MAPK10: variants seen among roughly 807,000 people sequenced by gnomAD.
The protein encoded by MAPK10 is mitogen-activated protein kinase 10.
Under a neutral mutation model 59.3 loss-of-function variants are expected in MAPK10, and 25 were observed. The ratio of observed to expected loss-of-function variants is 0.42; its 90% confidence interval spans 0.31 to 0.59. MAPK10 has a LOEUF of 0.59. Ranked by LOEUF, MAPK10 falls within the 20% of genes least tolerant of loss-of-function variation. MAPK10 has a pLI of 0.15. For missense variants in MAPK10, 351 were observed against 568.9 expected (o/e 0.62, Z 3.90); for synonymous variants, 190 against 200.5 (o/e 0.95, Z 0.44).
At chr4:86,153,981 T>C (rs1441171716) in intron 4 of MAPK10, among the ~76,000 whole-genome samples, 2 of 152,194 alleles carry the variant, frequency 1.3e-5, no homozygotes, top group East Asian at 1.9e-4. Flanking sequence ...CATGAGAGGA[T>C]AATCATTTCC....
intron 1 of MAPK10, among the ~76,000 whole-genome samples, chr4:86,468,323 C>T (rs1303943529): frequency 1.3e-5 from 2 of 152,160 alleles, no homozygotes; most frequent in Non-Finnish European, 2.9e-5. Flanking sequence ...AAGAGTCCCC[C>T]TCCCCCTATT....
intron 1 of MAPK10, among the ~76,000 whole-genome samples, chr4:86,538,990 A>T (rs1232996688): frequency 2.0e-5 from 3 of 152,160 alleles, no homozygotes; most frequent in Non-Finnish European, 2.9e-5. Flanking sequence ...ATCTTTTTTT[A>T]AAAATGCTGT....
intron 2 of MAPK10, among the ~76,000 whole-genome samples, chr4:86,353,003 C>G (rs1328720127): frequency 6.6e-6 from 1 of 152,184 alleles, no homozygotes; most frequent in Non-Finnish European, 1.5e-5. Context: ...TCTCAGGCTT[C>G]TGGGTCTGTT....
chr4:86,194,169 G>A, intron 3 of MAPK10, 167 bp downstream of exon 3: 1 of 613,138 alleles, frequency 1.6e-6, no homozygotes, highest in Non-Finnish European at 2.9e-6. Flanking sequence ...GCTGGGAGCT[G>A]GAGACTGGGG....
At chr4:86,492,293 T>G (rs1033491614) in intron 1 of MAPK10, among the ~76,000 whole-genome samples, 3 of 152,072 alleles carry the variant, frequency 2.0e-5, no homozygotes, top group African/African-American at 7.2e-5. Flanking sequence ...AAAAGCAGGG[T>G]TTTATGAAGC....
intron 9 of MAPK10, among the ~76,000 whole-genome samples, chr4:86,085,792 G>T (rs2149039277): frequency 6.6e-6 from 1 of 152,282 alleles, no homozygotes; most frequent in African/African-American, 2.4e-5. Context: ...TATCTGCACT[G>T]CCGTGTTTGT....
chr4:86,470,473 T>C (rs1466000696), intron 1 of MAPK10, among the ~76,000 whole-genome samples: 1 of 152,308 alleles, frequency 6.6e-6, no homozygotes, highest in South Asian at 2.1e-4. Flanking sequence ...CATAAAATCA[T>C]GTTTGATTTA....
intron 3 of MAPK10, among the ~76,000 whole-genome samples, chr4:86,185,840 C>A (rs929653473): frequency 2.0e-5 from 3 of 151,972 alleles, no homozygotes; most frequent in Non-Finnish European, 4.4e-5. Context: ...CTGGAGTAGA[C>A]AATGGGAAGA....
chr4:86,270,634 A>C (rs2094405594), intron 2 of MAPK10, among the ~76,000 whole-genome samples: 1 of 152,084 alleles, frequency 6.6e-6, no homozygotes, highest in East Asian at 1.9e-4. Context: ...AAAATGTAGA[A>C]TATCCCAGAT....
At chr4:86,549,059 A>G (rs1237714315) in intron 1 of MAPK10, among the ~76,000 whole-genome samples, 3 of 152,212 alleles carry the variant, frequency 2.0e-5, no homozygotes, top group Non-Finnish European at 2.9e-5. Context: ...GCAGTATTTT[A>G]ATTTTAAAAA....
intron 1 of MAPK10, among the ~76,000 whole-genome samples, chr4:86,507,645 T>G (rs1338869344): frequency 3.4e-5 from 3 of 88,294 alleles, no homozygotes; most frequent in African/African-American, 9.2e-5. Context: ...TATATATATA[T>G]ATATATATAT....
At chr4:86,083,309 C>T (rs1348066221) in intron 9 of MAPK10, among the ~76,000 whole-genome samples, 1 of 152,108 alleles carries the variant, frequency 6.6e-6, no homozygotes, top group African/African-American at 2.4e-5. Context: ...ACTGAAGAGG[C>T]AGGAGAAACT....
intron 9 of MAPK10, among the ~76,000 whole-genome samples, chr4:86,071,906 T>A (rs1190728718): frequency 2.3e-5 from 3 of 130,962 alleles, no homozygotes; most frequent in African/African-American, 9.7e-5. Flanking sequence ...AACTTTAAAG[T>A]AGTTTTTTCC....
At chr4:86,152,540 G>A (rs1159111515) in intron 4 of MAPK10, 1 of 152,148 alleles carries the variant, frequency 6.6e-6, no homozygotes, top group Non-Finnish European at 1.5e-5. Context: ...GAATGATAGG[G>A]CTGTCACTCC....
At chr4:86,330,475 C>T (rs771322377) in intron 2 of MAPK10, among the ~76,000 whole-genome samples, 19 of 152,278 alleles carry the variant, frequency 1.2e-4, no homozygotes, top group African/African-American at 2.6e-4. Context: ...AATCCCCACA[C>T]GTCATGGGAG....
rs538269438 is a variant in MAPK10 at position 86,417,341 on chromosome 4, C to T, written c.-122+35689G>A. On this transcript the variant is annotated intron_variant, in intron 1 of 13. Coordinates refer to the MAPK10 transcript ENST00000361569. ...TTTTTTTATTGATATTGTTTATTTA[C>T]ATTTAATTGTTTTTTAAGTTGCTTT... Among the ~76,000 whole-genome samples, 4 of 152,124 alleles carry T rather than the reference C, an allele frequency of 2.6e-5. No homozygotes were observed. In the East Asian group the frequency reaches 7.7e-4, roughly 29 times the overall value.
At chr4:86,297,125 C>T (rs1424049795) in intron 2 of MAPK10, among the ~76,000 whole-genome samples, 1 of 152,152 alleles carries the variant, frequency 6.6e-6, no homozygotes, top group Non-Finnish European at 1.5e-5. Flanking sequence ...CCTCTAAGAA[C>T]CACTGACACT....
intron 1 of MAPK10, among the ~76,000 whole-genome samples, chr4:86,374,969 T>C (rs1739542947): frequency 6.6e-6 from 1 of 152,220 alleles, no homozygotes; most frequent in Admixed American, 6.5e-5. Context: ...ATTCATTGAA[T>C]TCATCTACTC....
At chr4:86,495,532 TA>T (rs1430314690) in intron 1 of MAPK10, among the ~76,000 whole-genome samples, 1 of 152,234 alleles carries the variant, frequency 6.6e-6, no homozygotes, top group Non-Finnish European at 1.5e-5. Context: ...TTATCACATC[TA>T]AAAATAATTC....
Sources: gnomAD v4.1 joint callset for allele counts (sites outside exome capture counted in the v4.1 genomes callset) on GRCh38, gnomAD v4.1.1 for gene constraint, MANE v1.5 for transcripts, NCBI Gene and HGNC (gene_info 2026-07-23, HGNC 2026-07-21) for gene names.